The following LCLAT1 variants were observed in gnomAD, a reference collection of about 807,000 sequenced individuals.
LCLAT1 encodes the protein lysocardiolipin acyltransferase 1.
LCLAT1 carries 11 observed loss-of-function variants against 30.7 expected under a neutral mutation model. That is an observed-to-expected ratio of 0.36 (90% CI 0.23 to 0.59). The LOEUF is 0.59. Ranked by LOEUF, LCLAT1 falls within the 20% of genes least tolerant of loss-of-function variation. LCLAT1 has a pLI of 0.77. For missense variants in LCLAT1, 402 were observed against 458.6 expected (o/e 0.88, Z 1.13); for synonymous variants, 155 against 151.3 (o/e 1.02, Z -0.18).
intron 1 of LCLAT1, among the ~76,000 whole-genome samples, chr2:30,453,276 G>A (rs940517454): frequency 1.3e-5 from 2 of 152,152 alleles, no homozygotes; most frequent in African/African-American, 2.4e-5. Context: ...AGAGGAATGA[G>A]TGGTGGCGGC....
chr2:30,630,764 G>A (rs2148527615), intron 5 of LCLAT1, among the ~76,000 whole-genome samples: 1 of 152,268 alleles, frequency 6.6e-6, no homozygotes, highest in Non-Finnish European at 1.5e-5. Flanking sequence ...ATGGCATTGA[G>A]TCACTTAAAA....
intron 5 of LCLAT1, among the ~76,000 whole-genome samples, chr2:30,596,177 A>G (rs1666922654): frequency 6.6e-6 from 1 of 152,202 alleles, no homozygotes; most frequent in South Asian, 2.1e-4. Context: ...TTGCTGGGTC[A>G]AATGGCATTT....
intron 3 of LCLAT1, among the ~76,000 whole-genome samples, chr2:30,550,271 T>C (rs966553041): frequency 6.6e-6 from 1 of 152,214 alleles, no homozygotes; most frequent in African/African-American, 2.4e-5. Context: ...ACATCTTATA[T>C]GGTATATCTG....
intron 1 of LCLAT1, among the ~76,000 whole-genome samples, chr2:30,524,989 A>T (rs139314419): frequency 2.6e-5 from 4 of 151,780 alleles, no homozygotes; most frequent in Admixed American, 2.6e-4. Flanking sequence ...GGAATATTTT[A>T]TGAGTTTGTG....
Position 30,517,010 on chromosome 2 carries a change from C to T in LCLAT1, c.-4-8577C>T, listed in dbSNP as rs192222902. 7.9e-5 allele frequency among the ~76,000 whole-genome samples: 12 copies of T among 152,306 alleles called. No homozygotes were observed. In the East Asian group the frequency reaches 1.9e-3, roughly 25 times the overall value. Reference sequence around the variant, plus strand: ...GAAAACTGTCATCCTGAATTCCCGGCATTGGCCAGTCGAGATCATGGTGCA... The same window carrying T: ...GAAAACTGTCATCCTGAATTCCCGGTATTGGCCAGTCGAGATCATGGTGCA... On this transcript the variant is annotated intron_variant, in intron 1 of 5. Coordinates refer to ENST00000379509, the MANE Select transcript of LCLAT1 (RefSeq NM_001002257.3).
intron 1 of LCLAT1, among the ~76,000 whole-genome samples, chr2:30,502,438 C>T (rs1405384755): frequency 1.3e-5 from 2 of 152,096 alleles, no homozygotes; most frequent in African/African-American, 4.8e-5. Flanking sequence ...TTAGACTGTT[C>T]ACAGAGCTGT....
rs149108235 is a variant in LCLAT1, at chr2:30,592,098, G to T, written c.628+23922G>T. ...TACTAAGCACTCCATATATGTGAAT[G>T]AATGGATACTGTCAACCTTTTTGCC... On this transcript the variant is annotated intron_variant, in intron 5 of 5. Transcript: ENST00000379509. 2.0e-3 allele frequency among the ~76,000 whole-genome samples: 301 copies of T among 152,250 alleles called. 2 individuals are homozygous for T. Among genetic ancestry groups the T allele is most frequent in the African/African-American group, 6.9e-3 (286 of 41,542 alleles).
chr2:30,601,027 G>C, intron 5 of LCLAT1, among the ~76,000 whole-genome samples: 1 of 151,870 alleles, frequency 6.6e-6, no homozygotes, highest in East Asian at 1.9e-4. Flanking sequence ...TCTTATTTCA[G>C]CAACATAGTC....
intron 1 of LCLAT1, among the ~76,000 whole-genome samples, chr2:30,456,040 G>A (rs1343634449): frequency 6.6e-6 from 1 of 151,818 alleles, no homozygotes; most frequent in Non-Finnish European, 1.5e-5. Context: ...TTCTGGGCCA[G>A]ATTTCTTTTT....
chr2:30,591,583 G>A (rs1253681292), intron 5 of LCLAT1, among the ~76,000 whole-genome samples: 1 of 152,082 alleles, frequency 6.6e-6, no homozygotes, highest in Admixed American at 6.5e-5. Flanking sequence ...ATACATTCAT[G>A]TTATGTGTGT....
At chr2:30,614,373 G>C (rs1231632251) in intron 5 of LCLAT1, among the ~76,000 whole-genome samples, 1 of 151,152 alleles carries the variant, frequency 6.6e-6, no homozygotes, top group East Asian at 2.0e-4. Context: ...ACAAAATGGA[G>C]TCTCCTATGT....
rs1221873191 is a variant in LCLAT1 at position 30,642,575 on chromosome 2, C to G, written c.*1956C>G. 6.6e-6 allele frequency: 1 copy of G among 152,096 alleles called. No individual in the cohort carries two copies. Among genetic ancestry groups the G allele is most frequent in the African/African-American group, 2.4e-5 (1 of 41,472 alleles). The allele number at this position is 152,096 out of a possible 1,614,324, so 9.4% of individuals were successfully genotyped here. On this transcript the variant is annotated 3_prime_UTR_variant, in exon 6 of 6. Coordinates refer to ENST00000379509, the MANE Select transcript of LCLAT1 (RefSeq NM_001002257.3). Reference sequence around the variant, plus strand: ...AAAGAGGAGAGCTGTGCTTTCTACCCCAAAGTTGTTGGTAATGGAGCCGGT... The same window carrying G: ...AAAGAGGAGAGCTGTGCTTTCTACCGCAAAGTTGTTGGTAATGGAGCCGGT...
intron 5 of LCLAT1, among the ~76,000 whole-genome samples, chr2:30,598,970 C>CTT (rs954642694): frequency 6.9e-6 from 1 of 144,036 alleles, no homozygotes; most frequent in Non-Finnish European, 1.5e-5. Context: ...GAGTGAGTTT[C>CTT]TTTTTTTTTT....
At chr2:30,550,314 A>G (rs1181527013) in intron 3 of LCLAT1, among the ~76,000 whole-genome samples, 2 of 152,214 alleles carry the variant, frequency 1.3e-5, no homozygotes, top group African/African-American at 4.8e-5. Context: ...GTGCAATACT[A>G]TTAACAATGG....
intron 5 of LCLAT1, among the ~76,000 whole-genome samples, chr2:30,588,188 C>G (rs2148474712): frequency 6.6e-6 from 1 of 152,352 alleles, no homozygotes; most frequent in Non-Finnish European, 1.5e-5. Context: ...CTGACGTTTT[C>G]AACCCTCCAA....
chr2:30,553,800 C>T (rs896260161), intron 3 of LCLAT1, among the ~76,000 whole-genome samples: 1 of 150,824 alleles, frequency 6.6e-6, no homozygotes, highest in African/African-American at 2.4e-5. Context: ...CCGGCCTGGG[C>T]GACAGAGCGA....
chr2:30,606,768 C>A (rs939646202), intron 5 of LCLAT1: 3 of 151,982 alleles, frequency 2.0e-5, no homozygotes, highest in Admixed American at 6.6e-5. Flanking sequence ...GGCTTCTGCA[C>A]AGGAAAAGAA....
rs546080981 is a variant in LCLAT1, at chr2:30,577,989, A to G, written c.628+9813A>G. On this transcript the variant is annotated intron_variant, in intron 5 of 5. Transcript: ENST00000379509. ...CTACATACACTACATGGGTATTTGT[A>G]AACTTTTAAACACTTTGCCTTTTTG... Among the ~76,000 whole-genome samples the G allele has an allele frequency of 4.6e-5, 7 of 152,260 alleles. No individual in the cohort carries two copies. In the South Asian group the frequency reaches 1.5e-3, roughly 32 times the overall value.
chr2:30,461,348 T>TA (rs2148273230), intron 1 of LCLAT1, among the ~76,000 whole-genome samples: 1 of 152,370 alleles, frequency 6.6e-6, no homozygotes, highest in East Asian at 1.9e-4. Flanking sequence ...TTATTTCATG[T>TA]AATGCCCACC....
Sources: gnomAD v4.1 joint callset for allele counts (sites outside exome capture counted in the v4.1 genomes callset) on GRCh38, gnomAD v4.1.1 for gene constraint, MANE v1.5 for transcripts, NCBI Gene and HGNC (gene_info 2026-07-23, HGNC 2026-07-21) for gene names.